LDHB: variants seen among roughly 807,000 people sequenced by gnomAD.
LDHB encodes the protein lactate dehydrogenase B.
Under a neutral mutation model 33.4 loss-of-function variants are expected in LDHB, and 18 were observed. That is an observed-to-expected ratio of 0.54 (90% CI 0.37 to 0.80). LDHB has a LOEUF of 0.80. Ranked by LOEUF, LDHB falls within the 30% of genes least tolerant of loss-of-function variation. LDHB has a pLI of 0.00. For missense variants in LDHB, 345 were observed against 407.9 expected, an observed-to-expected ratio of 0.85 and a Z score of 1.33; for synonymous variants, 121 against 140.6, an observed-to-expected ratio of 0.86 and a Z score of 0.98.
Position 21,636,967 on chromosome 12 carries a change from T to A in LDHB, c.837+104A>T. ...TACATAAAACTTTGAGAGACAGAAATAACCTTGAACTATGATTTTATCTGG... is the reference window on the plus strand; with the variant it reads ...TACATAAAACTTTGAGAGACAGAAAAAACCTTGAACTATGATTTTATCTGG... On this transcript the variant is annotated intron_variant, in intron 7 of 7. Transcript: ENST00000350669. The A allele has an allele frequency of 5.9e-6, 6 of 1,011,722 alleles. No homozygotes were observed. The South Asian group carries it at 7.7e-5, about 13-fold the overall frequency. 62.7% of individuals were successfully genotyped at this position (1,011,722 alleles called of 1,614,324 possible). A position where few individuals can be genotyped will look rare whatever the true frequency, so the allele number is the denominator to read the frequency against.
At chr12:21,636,328 A>C (rs1298201891) in intron 7 of LDHB, among the ~76,000 whole-genome samples, 1 of 151,552 alleles carries the variant, frequency 6.6e-6, no homozygotes, top group East Asian at 1.9e-4. Flanking sequence ...AGATGCTTGG[A>C]ATACCCAAGA....
chr12:21,639,832 ATGAGT>A lies in LDHB; in HGVS notation c.596-1367_596-1363del, dbSNP rs1473479835. 1.3e-3 allele frequency among the ~76,000 whole-genome samples: 201 copies of A among 152,140 alleles called. 1 individual carries two copies. Among genetic ancestry groups the A allele is most frequent in the South Asian group, 2.3e-3 (11 of 4,830 alleles). ...TACAATTAACCAGACAAAAATTCAG[ATGAGT>A]CCCTGGAGGTAAACAATTCTTGAAT... On this transcript the variant is annotated intron_variant, in intron 5 of 7. Coordinates refer to ENST00000350669, the MANE Select transcript of LDHB (RefSeq NM_002300.8).
At chr12:21,638,204 G>A (rs1315267374) in intron 6 of LDHB, 149 bp downstream of exon 6, 2 of 628,802 alleles carry the variant, frequency 3.2e-6, no homozygotes, top group Non-Finnish European at 5.7e-6. Flanking sequence ...AGTTTGACCA[G>A]TGTAAAAGTC....
chr12:21,640,637 C>A (rs915499176), intron 5 of LDHB, among the ~76,000 whole-genome samples: 8 of 152,026 alleles, frequency 5.3e-5, no homozygotes, highest in Non-Finnish European at 1.2e-4. Context: ...TCTGTCTACT[C>A]AAAGGGCCTA....
intron 3 of LDHB, among the ~76,000 whole-genome samples, chr12:21,645,883 C>T (rs1419738487): frequency 6.6e-6 from 1 of 152,168 alleles, no homozygotes; most frequent in Non-Finnish European, 1.5e-5. Flanking sequence ...TCTCTCGTTC[C>T]ACCCGACGAG....
chr12:21,641,931 A>T (rs1626023), intron 5 of LDHB, 21 bp downstream of exon 5: 1,596,440 of 1,596,474 alleles, frequency 1, 798,203 homozygotes, highest in Middle Eastern at 1. Context: ...ACAAGTAATT[A>T]TTTCTTTTTT....
chr12:21,649,487 C>T (rs1938621198), intron 2 of LDHB, among the ~76,000 whole-genome samples: 1 of 152,180 alleles, frequency 6.6e-6, no homozygotes, highest in African/African-American at 2.4e-5. Context: ...ATATATTTCA[C>T]TTAAGCTGTA....
intron 4 of LDHB, 63 bp from the exon 5 acceptor site, chr12:21,642,188 T>TG: frequency 8.4e-7 from 1 of 1,192,724 alleles, no homozygotes; most frequent in Non-Finnish European, 1.2e-6. Flanking sequence ...TTAGGCAGCT[T>TG]GGGGTGCCCT....
intron 4 of LDHB, 116 bp downstream of exon 4, chr12:21,643,819 C>A: frequency 1.2e-6 from 1 of 808,466 alleles, no homozygotes; most frequent in South Asian, 1.4e-5. Context: ...TGAAAGAAGA[C>A]ATGTAAACTG....
intron 1 of LDHB, among the ~76,000 whole-genome samples, chr12:21,655,826 T>G (rs1295597570): frequency 3.3e-5 from 5 of 152,202 alleles, no homozygotes; most frequent in African/African-American, 1.2e-4. Context: ...ATGTGTTTTC[T>G]AGATAACTGA....
Position 21,637,098 on chromosome 12 carries a change from C to T in LDHB, c.810G>A (p.Arg270=). ...LIESMLKNLS[R]IHPVSTMVKG... is the part of the protein sequence containing the mutation. ...TTACCATTGTTGACACGGGATGAAT[C>T]CTGGATAGATTTTTCAACATGGATT... Residue 270 remains arginine, a synonymous_variant, in exon 7 of 8, where the codon AGG becomes AGA. Transcript: ENST00000350669. 1 of 1,607,908 alleles carries T rather than the reference C, an allele frequency of 6.2e-7. No homozygotes were observed. Among genetic ancestry groups the T allele is most frequent in the African/African-American group, 1.3e-5 (1 of 74,866 alleles).
intron 1 of LDHB, chr12:21,656,918 A>G: frequency 6.6e-6 from 1 of 152,176 alleles, no homozygotes; most frequent in Non-Finnish European, 1.5e-5. Context: ...AATCTTTCTC[A>G]CCGTAATCTT....
rs74069310 is a variant in LDHB at position 21,653,442 on chromosome 12, T to C, written c.129+1101A>G. Among the ~76,000 whole-genome samples the C allele has an allele frequency of 1.8e-3, 273 of 152,138 alleles. 1 individual carries two copies. The highest frequency in any genetic ancestry group is 5.4e-3 in the African/African-American group (226 of 41,510). Reference sequence around the variant, plus strand: ...ATCCCCTCACACATCTGTGGAAAAATTGTCTCCCACAAAACTGGTTCCCTA... The same window carrying C: ...ATCCCCTCACACATCTGTGGAAAAACTGTCTCCCACAAAACTGGTTCCCTA... On this transcript the variant is annotated intron_variant, in intron 2 of 7. Coordinates refer to ENST00000350669, the MANE Select transcript of LDHB (RefSeq NM_002300.8).
At chr12:21,637,050 T>C in intron 7 of LDHB, 21 bp downstream of exon 7, 1 of 1,575,482 alleles carries the variant, frequency 6.3e-7, no homozygotes, top group South Asian at 1.1e-5. Flanking sequence ...TCATATTACA[T>C]TTTGTGGTAG....
intron 2 of LDHB, 81 bp downstream of exon 2, chr12:21,654,462 A>G: frequency 1.5e-6 from 2 of 1,317,978 alleles, no homozygotes; most frequent in Non-Finnish European, 2.2e-6. Flanking sequence ...TTTTAAAGAT[A>G]TAATAAAATT....
At position 21,642,058 on chromosome 12, in the gene LDHB, T is replaced by C. The variant is rs768978681; in HGVS notation, c.489A>G (p.Gly163=). ...GAAATCTAGCAGAATCCAGATTACA[T>C]CCACTTCCAATCACGCGGTGTTTGG... ...GLPKHRVIGS[G]CNLDSARFRY... is the part of the protein sequence containing the mutation. Residue 163 remains glycine (G), a synonymous_variant, in exon 5 of 8, where the codon GGA becomes GGG. Coordinates refer to ENST00000350669, the MANE Select transcript of LDHB (RefSeq NM_002300.8). 41 of 1,613,366 alleles carry C rather than the reference T, an allele frequency of 2.5e-5. No individual in the cohort carries two copies. The highest frequency in any genetic ancestry group is 3.2e-5 in the Non-Finnish European group (38 of 1,179,560).
At chr12:21,649,496 TAAGC>T (rs939210869) in intron 2 of LDHB, among the ~76,000 whole-genome samples, 1 of 152,316 alleles carries the variant, frequency 6.6e-6, no homozygotes, top group Admixed American at 6.5e-5. Flanking sequence ...ACTTAAGCTG[TAAGC>T]ATGTTTAAAA....
At chr12:21,639,541 CTA>C (rs898802453) in intron 5 of LDHB, among the ~76,000 whole-genome samples, 1 of 152,000 alleles carries the variant, frequency 6.6e-6, no homozygotes, top group Non-Finnish European at 1.5e-5. Context: ...AATATCACTT[CTA>C]TCACCTAGCA....
chr12:21,653,677 T>TGTATATAC (rs1938755899), intron 2 of LDHB, among the ~76,000 whole-genome samples: 1 of 151,942 alleles, frequency 6.6e-6, no homozygotes, highest in African/African-American at 2.4e-5. Flanking sequence ...TATGTATATA[T>TGTATATAC]GGTGAGAGAG....
Sources: allele counts gnomAD v4.1 joint callset (sites outside exome capture counted in the v4.1 genomes callset), GRCh38; gene constraint gnomAD v4.1.1; transcripts MANE v1.5; gene names NCBI Gene and HGNC (gene_info 2026-07-23, HGNC 2026-07-21).